Variants in MYH9 observed in about 807,000 individuals in gnomAD.
The protein encoded by MYH9 is myosin heavy chain 9.
MYH9 carries 29 observed loss-of-function variants against 241.9 expected under a neutral mutation model. That is an observed-to-expected ratio of 0.12 (90% confidence interval 0.09 to 0.16). The LOEUF is 0.16. MYH9 is among the 10% of genes least tolerant of loss of function. MYH9 has a pLI of 1.00. For missense variants in MYH9, 1,803 were observed against 2,595.5 expected (o/e 0.69, Z 6.63); for synonymous variants, 1,047 against 1,062.6 (o/e 0.99, Z 0.29).
Position 36,291,994 on chromosome 22 carries a change from A to C in MYH9, c.4336T>G (p.Phe1446Val). 6.2e-7 allele frequency: 1 copy of C among 1,614,174 alleles called. No homozygotes were observed. The change falls in exon 31 of 41, where the codon TTT (phenylalanine) becomes GTT (valine). Residue 1446 changes from phenylalanine to valine, a missense_variant. This residue lies in a region of MYH9 where 876 missense variants were observed against 1,077.8 expected (regional missense o/e 0.81). Transcript: ENST00000216181. ...GGCCAACGGCCACACACCTGGTCAA[A>C]CTTCTTCTGCTTCTTCTCCAGGTTG... ...ACNLEKKQKK[F>V]DQLLAEEKTI... is the part of the protein sequence containing the mutation.
chr22:36,367,131 G>C (rs776623276), intron 1 of MYH9, among the ~76,000 whole-genome samples: 5 of 152,090 alleles, frequency 3.3e-5, no homozygotes, highest in African/African-American at 7.2e-5. Flanking sequence ...GCACTAGTGC[G>C]GCCTCCTTTT....
In MYH9 at chr22:36,377,662, C is replaced by G. The variant is rs2018191307; in HGVS notation, c.-20+10145G>C. 2.0e-5 allele frequency among the ~76,000 whole-genome samples: 3 copies of G among 152,100 alleles called. No homozygotes were observed. In the South Asian group the frequency reaches 6.2e-4, roughly 32 times the overall value. On this transcript the variant is annotated intron_variant, in intron 1 of 40. Transcript: ENST00000216181. ...CGGTGGCTCACGCCTGTAATCTCAG[C>G]ACTTTGGGAGGCCAAGGCGGGCGGA...
chr22:36,307,226 T>G (rs2146349397), intron 15 of MYH9, among the ~76,000 whole-genome samples: 1 of 152,286 alleles, frequency 6.6e-6, no homozygotes, highest in East Asian at 1.9e-4. Flanking sequence ...TAGGGATCTC[T>G]TCACGTACTT....
At chr22:36,308,049 GA>G (rs781410992) in intron 15 of MYH9, among the ~76,000 whole-genome samples, 19 of 152,060 alleles carry the variant, frequency 1.2e-4, no homozygotes, top group Admixed American at 2.0e-4. Flanking sequence ...CCTTTTAGCT[GA>G]GTGTGTCCTG....
chr22:36,370,098 G>C (rs2018067588), intron 1 of MYH9, among the ~76,000 whole-genome samples: 1 of 152,182 alleles, frequency 6.6e-6, no homozygotes, highest in Non-Finnish European at 1.5e-5. Flanking sequence ...TACTTTATTA[G>C]CATCAAAACC....
At chr22:36,292,573 C>T (rs961528422) in intron 30 of MYH9, among the ~76,000 whole-genome samples, 4 of 152,300 alleles carry the variant, frequency 2.6e-5, no homozygotes, top group Middle Eastern at 3.4e-3. Context: ...TCCACGGGGT[C>T]CCCATCACCC....
In MYH9 at chr22:36,329,511, C is replaced by T. The variant is rs1206088647; in HGVS notation, c.491-2023G>A. ...CCCACTGCGTCTCCCTGTGGTCTGC[C>T]CCAGCTGTGGGCATGTTTAGTCACC... On this transcript the variant is annotated intron_variant, in intron 3 of 40. Coordinates refer to ENST00000216181, the MANE Select transcript of MYH9 (RefSeq NM_002473.6). This position sits in a 1 kb window ranked among gnomAD's most constrained non-coding sequence, Gnocchi z 4.1. 6.6e-6 allele frequency among the ~76,000 whole-genome samples: 1 copy of T among 152,192 alleles called. No homozygotes were observed. Among genetic ancestry groups the T allele is most frequent in the Admixed American group, 6.5e-5 (1 of 15,284 alleles).
intron 1 of MYH9, among the ~76,000 whole-genome samples, chr22:36,359,619 T>C (rs2017906295): frequency 6.6e-6 from 1 of 152,196 alleles, no homozygotes. Context: ...ACCATCTCTG[T>C]TTTCTAGAAC....
At chr22:36,303,699 C>A (rs2016921949) in intron 19 of MYH9, among the ~76,000 whole-genome samples, 3 of 149,140 alleles carry the variant, frequency 2.0e-5, no homozygotes, top group African/African-American at 7.4e-5. Flanking sequence ...GCAGGAGAAT[C>A]ACTTGAACGT....
In MYH9 at chr22:36,361,984, G is replaced by C. The variant is rs535428113; in HGVS notation, c.-19-12729C>G. 3.9e-5 allele frequency among the ~76,000 whole-genome samples: 6 copies of C among 152,228 alleles called. No individual in the cohort carries two copies. The East Asian group carries it at 1.2e-3, about 29-fold the overall frequency. Reference sequence around the variant, plus strand: ...ACCCGGGAGGCTGAGGCCAAGAATTGCTTGAACCCAGGAGGCAGAGGTTGC... The same window carrying C: ...ACCCGGGAGGCTGAGGCCAAGAATTCCTTGAACCCAGGAGGCAGAGGTTGC... On this transcript the variant is annotated intron_variant, in intron 1 of 40. Coordinates refer to ENST00000216181, the MANE Select transcript of MYH9 (RefSeq NM_002473.6).
chr22:36,375,620 C>T (rs6000263), intron 1 of MYH9, among the ~76,000 whole-genome samples: 139 of 152,320 alleles, frequency 9.1e-4, no homozygotes, highest in African/African-American at 3.2e-3. Context: ...AGCTGGAGCA[C>T]CCAAGTTTGA....
chr22:36,290,842 C>G (rs2016681542), intron 31 of MYH9, among the ~76,000 whole-genome samples: 1 of 151,738 alleles, frequency 6.6e-6, no homozygotes, highest in African/African-American at 2.4e-5. Flanking sequence ...AGTGGCGACC[C>G]CGTCTGGGAG....
intron 1 of MYH9, among the ~76,000 whole-genome samples, chr22:36,355,438 T>C (rs2017839755): frequency 6.6e-6 from 1 of 152,122 alleles, no homozygotes. Context: ...ATTTGTGGGT[T>C]TGTCTGGAAA....
In MYH9 at chr22:36,320,278, C is replaced by A; in HGVS notation, c.954G>T (p.Met318Ile). 1.2e-6 allele frequency: 2 copies of A among 1,614,248 alleles called. No homozygotes were observed. Reference protein sequence around the residue: ...VTIPGQQDKDMFQETMEAMRI... With the variant: ...VTIPGQQDKDIFQETMEAMRI... ...TCATGGCCTCCATGGTCTCCTGGAACATGTCCTTGTCCTGCTGCCCGGGGA... is the reference window on the plus strand; with the variant it reads ...TCATGGCCTCCATGGTCTCCTGGAAAATGTCCTTGTCCTGCTGCCCGGGGA... Residue 318 changes from methionine to isoleucine, a missense_variant, in exon 9 of 41, where the codon ATG becomes ATT. Physicochemically the swap from Met to Ile is conservative, Grantham distance 10. Coordinates refer to ENST00000216181, the MANE Select transcript of MYH9 (RefSeq NM_002473.6). This position sits in a 1 kb window ranked among gnomAD's most constrained non-coding sequence, Gnocchi z 4.8.
chr22:36,294,379 C>T, intron 27 of MYH9, 81 bp from the exon 28 acceptor site: 1 of 1,454,614 alleles, frequency 6.9e-7, no homozygotes, highest in South Asian at 1.1e-5. Context: ...GACCCTAGAT[C>T]CAGACATCGC....
At chr22:36,335,607 G>T (rs1028923290) in intron 3 of MYH9, among the ~76,000 whole-genome samples, 13 of 152,384 alleles carry the variant, frequency 8.5e-5, no homozygotes, top group African/African-American at 2.9e-4. Flanking sequence ...AAAGCAGACA[G>T]TTCCACAGGA....
chr22:36,317,812 G>A (rs184471773), intron 11 of MYH9, among the ~76,000 whole-genome samples: 13 of 152,370 alleles, frequency 8.5e-5, no homozygotes, highest in East Asian at 1.9e-4. Context: ...AGAAACAGCC[G>A]CTTGGCACAG....
At chr22:36,344,739 T>C (rs2017650122) in intron 2 of MYH9, among the ~76,000 whole-genome samples, 1 of 152,194 alleles carries the variant, frequency 6.6e-6, no homozygotes, top group African/African-American at 2.4e-5. Flanking sequence ...TGCGTGTGGC[T>C]TGCAATGGAA....
At chr22:36,385,479 C>A (rs555294110) in intron 1 of MYH9, among the ~76,000 whole-genome samples, 3 of 152,138 alleles carry the variant, frequency 2.0e-5, no homozygotes, top group African/African-American at 7.2e-5. Flanking sequence ...GGAGCAAGAG[C>A]GGGCAAAAGG....
Sources: gnomAD v4.1 joint callset for allele counts (sites outside exome capture counted in the v4.1 genomes callset) on GRCh38, gnomAD v4.1.1 for gene constraint, gnomAD v4.1.1 regional missense constraint, Gnocchi (gnomAD v3.1) non-coding constraint, MANE v1.5 for transcripts, NCBI Gene and HGNC (gene_info 2026-07-23, HGNC 2026-07-21) for gene names.